The following GPM6B variants were observed in gnomAD, a reference collection of about 807,000 sequenced individuals.
GPM6B encodes neuronal membrane glycoprotein M6-b.
Under a neutral mutation model 27.2 loss-of-function variants are expected in GPM6B, and 4 were observed. That is an observed-to-expected ratio of 0.15 (90% CI 0.07 to 0.34). The LOEUF is 0.34. Among genes scored for constraint, GPM6B ranks in the 10% least tolerant of loss-of-function variants. The pLI is 1.00. For missense variants in GPM6B, 183 were observed against 261.9 expected (o/e 0.70, Z 2.08); for synonymous variants, 124 against 103.1 (o/e 1.20, Z -1.23).
intron 1 of GPM6B, among the ~76,000 whole-genome samples, chrX:13,864,243 A>T (rs950580445): frequency 8.9e-6 from 1 of 112,890 alleles, no homozygotes; most frequent in African/African-American, 3.2e-5. Flanking sequence ...AATGTAAATA[A>T]ATCAGCGAAA....
chrX:13,864,043 G>A (rs1014248197), intron 1 of GPM6B, among the ~76,000 whole-genome samples: 3 of 112,175 alleles, frequency 2.7e-5, no homozygotes, highest in African/African-American at 9.7e-5. Flanking sequence ...GCAGTGAGAG[G>A]TTGGTGAAGA....
At chrX:13,813,296 A>T (rs975908558) in intron 1 of GPM6B, among the ~76,000 whole-genome samples, 3 of 111,661 alleles carry the variant, frequency 2.7e-5, no homozygotes, top group Admixed American at 9.6e-5. Flanking sequence ...AAGAAATTAT[A>T]TCTATTTGAT....
At chrX:13,787,701 G>C (rs1407703582) in intron 2 of GPM6B, among the ~76,000 whole-genome samples, 2 of 112,252 alleles carry the variant, frequency 1.8e-5, no homozygotes, top group African/African-American at 6.5e-5. Flanking sequence ...TGGGGACTGA[G>C]GTGAGAGGAA....
At chrX:13,910,365 T>G (rs1445111986) in intron 1 of GPM6B, among the ~76,000 whole-genome samples, 3 of 112,487 alleles carry the variant, frequency 2.7e-5, no homozygotes, top group African/African-American at 9.7e-5. Flanking sequence ...GACTCCACTG[T>G]ACAGTCAGGG....
chrX:13,828,463 T>G (rs2049401614), intron 1 of GPM6B, among the ~76,000 whole-genome samples: 1 of 111,448 alleles, frequency 9.0e-6, no homozygotes, highest in Non-Finnish European at 1.9e-5. Context: ...GACCTTGCAC[T>G]TCTCAGCCTC....
intron 1 of GPM6B, among the ~76,000 whole-genome samples, chrX:13,927,400 TAAG>T (rs1921265781): frequency 8.9e-6 from 1 of 112,697 alleles, no homozygotes; most frequent in East Asian, 2.8e-4. Flanking sequence ...TTACTCTGGT[TAAG>T]AAGATGACAA....
At chrX:13,891,962 T>C (rs1185888566) in intron 1 of GPM6B, among the ~76,000 whole-genome samples, 1 of 111,780 alleles carries the variant, frequency 8.9e-6, no homozygotes, top group Non-Finnish European at 1.9e-5. Context: ...GCAGCTTCTG[T>C]TCCCACAATG....
intron 1 of GPM6B, among the ~76,000 whole-genome samples, chrX:13,866,699 G>T (rs1482622593): frequency 9.0e-6 from 1 of 111,041 alleles, no homozygotes; most frequent in African/African-American, 3.3e-5. Context: ...TTCAGCCAGG[G>T]AAGAGTAGAC....
At chrX:13,845,833 T>C (rs1344449902) in intron 1 of GPM6B, among the ~76,000 whole-genome samples, 1 of 112,202 alleles carries the variant, frequency 8.9e-6, no homozygotes, top group Non-Finnish European at 1.9e-5. Flanking sequence ...TTCAGCTACA[T>C]GTTCTGAAAG....
intron 2 of GPM6B, among the ~76,000 whole-genome samples, chrX:13,794,011 TATAA>T (rs1441593246): frequency 8.9e-6 from 1 of 112,099 alleles, no homozygotes; most frequent in Non-Finnish European, 1.9e-5. Context: ...TTTCTGTGTC[TATAA>T]ATAAAGTTGT....
chrX:13,793,274 C>T (rs1213501618), intron 2 of GPM6B, among the ~76,000 whole-genome samples: 1 of 111,105 alleles, frequency 9.0e-6, no homozygotes, highest in African/African-American at 3.3e-5. Context: ...TTCCTATAAC[C>T]TGCAAGCCAC....
intron 1 of GPM6B, among the ~76,000 whole-genome samples, chrX:13,823,957 C>T (rs1196999454): frequency 4.4e-5 from 5 of 112,595 alleles, no homozygotes; most frequent in Non-Finnish European, 9.4e-5. Flanking sequence ...ACAGGCAGTA[C>T]TGCGGCATGA....
intron 1 of GPM6B, among the ~76,000 whole-genome samples, chrX:13,884,885 T>C (rs1368050592): frequency 8.0e-5 from 9 of 111,893 alleles, no homozygotes; most frequent in African/African-American, 2.6e-4. Context: ...ATTTGAAATA[T>C]TGAGAGAAGG....
chrX:13,774,059 T>TA (rs969254434), intron 7 of GPM6B: 27 of 741,406 alleles, frequency 3.6e-5, no homozygotes, highest in Middle Eastern at 7.6e-4. Flanking sequence ...CATGTGATCA[T>TA]AAAAAAATTG....
At chrX:13,877,682 C>T (rs2050048762) in intron 1 of GPM6B, among the ~76,000 whole-genome samples, 1 of 106,995 alleles carries the variant, frequency 9.3e-6, no homozygotes, top group East Asian at 2.9e-4. Context: ...GAAAATTAGC[C>T]AGGCATGGTG....
At chrX:13,873,161 T>A (rs1215365421) in intron 1 of GPM6B, among the ~76,000 whole-genome samples, 1 of 110,659 alleles carries the variant, frequency 9.0e-6, no homozygotes, top group Non-Finnish European at 1.9e-5. Context: ...GAATTTTTTT[T>A]TTTTTGCAGC....
intron 1 of GPM6B, among the ~76,000 whole-genome samples, chrX:13,930,608 C>T (rs191214638): frequency 0.023 from 2,348 of 102,365 alleles, 23 homozygotes; most frequent in Admixed American, 0.045. Flanking sequence ...AGCGAGACTC[C>T]GTCTCAAAAA....
intron 1 of GPM6B, among the ~76,000 whole-genome samples, chrX:13,861,239 C>G (rs2049849043): frequency 9.0e-6 from 1 of 110,819 alleles, no homozygotes; most frequent in African/African-American, 3.3e-5. Flanking sequence ...TGGTTCCATA[C>G]TTTTGCAATT....
At chrX:13,817,198 C>A, upstream of GPM6B, 1 of 864,440 alleles carries the variant, frequency 1.2e-6, no homozygotes, top group Non-Finnish European at 1.4e-6. Context: ...CCTACAGTCT[C>A]AATGCGGCTC....
Sources: allele counts gnomAD v4.1 joint callset (sites outside exome capture counted in the v4.1 genomes callset), GRCh38; gene constraint gnomAD v4.1.1; transcripts MANE v1.5; gene names NCBI Gene and HGNC (gene_info 2026-07-23, HGNC 2026-07-21).